Variants in NLGN1 observed in about 807,000 individuals in gnomAD.
NLGN1 encodes the protein neuroligin-1.
Under a neutral mutation model 65.5 loss-of-function variants are expected in NLGN1, and 12 were observed. The observed-to-expected ratio is 0.18, with a 90% CI of 0.12 to 0.30. The LOEUF is 0.30. Among genes scored for constraint, NLGN1 ranks in the 10% least tolerant of loss-of-function variants. The pLI is 1.00. For synonymous variants in NLGN1, 350 were observed against 359.5 expected, an observed-to-expected ratio of 0.97 and a Z score of 0.30; for missense variants, 750 against 1,007.1, an observed-to-expected ratio of 0.74 and a Z score of 3.46.
intron 4 of NLGN1, among the ~76,000 whole-genome samples, chr3:174,251,750 T>C (rs974371960): frequency 2.0e-5 from 3 of 152,244 alleles, no homozygotes; most frequent in Non-Finnish European, 4.4e-5. Context: ...ATCTACATTA[T>C]GTATTTATAC....
At chr3:174,047,696 C>T (rs1733928627) in intron 4 of NLGN1, among the ~76,000 whole-genome samples, 1 of 151,646 alleles carries the variant, frequency 6.6e-6, no homozygotes, top group African/African-American at 2.4e-5. Context: ...CCAGAAAAGA[C>T]ATGATGTGTT....
rs188802378 is a variant in NLGN1 at position 173,408,986 on chromosome 3, G to A, written c.-390+10499G>A. ...TCAAAATACGCTGGGAATAGTCCTG[G>A]TATGCTATTTTGAATGTCATTTCTT... On this transcript the variant is annotated intron_variant, in intron 1 of 6. Transcript: ENST00000457714. Among the ~76,000 whole-genome samples the A allele has an allele frequency of 8.8e-4, 133 of 151,914 alleles. 1 individual carries two copies. Among genetic ancestry groups the A allele is most frequent in the African/African-American group, 3.2e-3 (131 of 41,390 alleles).
At chr3:173,871,265 T>C (rs1308720557) in intron 4 of NLGN1, among the ~76,000 whole-genome samples, 5 of 152,196 alleles carry the variant, frequency 3.3e-5, no homozygotes, top group Non-Finnish European at 7.3e-5. Context: ...TTCTTTCTTA[T>C]ATACTTTATA....
intron 4 of NLGN1, among the ~76,000 whole-genome samples, chr3:173,958,521 A>G (rs1257618622): frequency 6.6e-6 from 1 of 152,038 alleles, no homozygotes; most frequent in South Asian, 2.1e-4. Context: ...CTCCACAGTG[A>G]GGTCATCCCA....
At chr3:173,745,890 T>G (rs1289580189) in intron 3 of NLGN1, among the ~76,000 whole-genome samples, 1 of 152,100 alleles carries the variant, frequency 6.6e-6, no homozygotes, top group Non-Finnish European at 1.5e-5. Flanking sequence ...AAACATTCAC[T>G]TCACAGATAG....
chr3:173,625,294 ATGTG>A (rs1187097429), intron 3 of NLGN1, among the ~76,000 whole-genome samples: 1 of 151,974 alleles, frequency 6.6e-6, no homozygotes, highest in Non-Finnish European at 1.5e-5. Context: ...GTGTTTTGAG[ATGTG>A]TGTGTAAGTA....
chr3:174,019,244 C>A (rs1727238814), intron 4 of NLGN1, among the ~76,000 whole-genome samples: 1 of 152,070 alleles, frequency 6.6e-6, no homozygotes. Context: ...AACTTAATCC[C>A]TAAATTCATA....
chr3:174,066,321 T>A (rs1319207124), intron 4 of NLGN1, among the ~76,000 whole-genome samples: 2 of 152,066 alleles, frequency 1.3e-5, no homozygotes, highest in African/African-American at 4.8e-5. Flanking sequence ...TTTTTTAAGA[T>A]TCTAAAATTA....
intron 2 of NLGN1, among the ~76,000 whole-genome samples, chr3:173,545,812 GA>G (rs1362135047): frequency 6.6e-6 from 1 of 152,090 alleles, no homozygotes; most frequent in African/African-American, 2.4e-5. Flanking sequence ...GATGAAGCTG[GA>G]AACCACCATT....
chr3:173,910,640 G>A lies in NLGN1; in HGVS notation c.646+102808G>A, dbSNP rs927454633. The A allele has an allele frequency of 9.2e-5, 14 of 152,030 alleles. No individual in the cohort carries two copies. The East Asian group carries it at 9.6e-4, about 10-fold the overall frequency. The allele number at this position is 152,030 out of a possible 1,614,324, so 9.4% of individuals were successfully genotyped here. A position where few individuals can be genotyped will look rare whatever the true frequency, so the allele number is the denominator to read the frequency against. On this transcript the variant is annotated intron_variant, in intron 4 of 6. Coordinates refer to ENST00000457714, the Ensembl canonical transcript of NLGN1. ...AACTATATTCTACTAAAGTTCTTAC[G>A]ATTCTAAAATCACTAAATTTTAATA...
intron 4 of NLGN1, among the ~76,000 whole-genome samples, chr3:173,977,658 T>A (rs1717813200): frequency 6.6e-6 from 1 of 151,570 alleles, no homozygotes; most frequent in South Asian, 2.1e-4. Flanking sequence ...GAAAAAAAAA[T>A]GGACAAAGCA....
At chr3:174,078,565 G>A (rs1012771629) in intron 4 of NLGN1, among the ~76,000 whole-genome samples, 1 of 152,090 alleles carries the variant, frequency 6.6e-6, no homozygotes, top group Non-Finnish European at 1.5e-5. Flanking sequence ...TGACCTAATG[G>A]AAGGGTTTTA....
At chr3:173,675,305 T>G (rs1347861341) in intron 3 of NLGN1, among the ~76,000 whole-genome samples, 1 of 152,182 alleles carries the variant, frequency 6.6e-6, no homozygotes, top group East Asian at 1.9e-4. Context: ...GTCTTCAGAG[T>G]AGTTTTCAAA....
chr3:174,257,077 C>T (rs1408813772), intron 4 of NLGN1, among the ~76,000 whole-genome samples: 1 of 151,890 alleles, frequency 6.6e-6, no homozygotes, highest in Non-Finnish European at 1.5e-5. Context: ...AAAACTACCT[C>T]ATTAAAAAGT....
chr3:173,675,062 A>G (rs1185998440), intron 3 of NLGN1, among the ~76,000 whole-genome samples: 1 of 151,972 alleles, frequency 6.6e-6, no homozygotes, highest in African/African-American at 2.4e-5. Context: ...TGACAGCTGT[A>G]TGCTTTTAAT....
At chr3:174,199,793 G>A (rs972884421) in intron 4 of NLGN1, among the ~76,000 whole-genome samples, 1 of 152,176 alleles carries the variant, frequency 6.6e-6, no homozygotes, top group Non-Finnish European at 1.5e-5. Flanking sequence ...AGTTCTACAA[G>A]ATTTTCAAAC....
chr3:173,629,937 T>C (rs1041902036), intron 3 of NLGN1, among the ~76,000 whole-genome samples: 1 of 152,126 alleles, frequency 6.6e-6, no homozygotes, highest in Non-Finnish European at 1.5e-5. Flanking sequence ...AAAGATAGTG[T>C]ATGCCAAAAA....
At chr3:174,132,140 C>T (rs539844626) in intron 4 of NLGN1, among the ~76,000 whole-genome samples, 13 of 152,180 alleles carry the variant, frequency 8.5e-5, no homozygotes, top group Admixed American at 2.0e-4. Context: ...TACTAATCAA[C>T]CTTTATAAAA....
chr3:173,963,616 T>A (rs1397461269), intron 4 of NLGN1, among the ~76,000 whole-genome samples: 2 of 152,138 alleles, frequency 1.3e-5, no homozygotes, highest in African/African-American at 2.4e-5. Flanking sequence ...GGATATGATT[T>A]GTGGAATTTG....
Sources: gnomAD v4.1 joint callset for allele counts (sites outside exome capture counted in the v4.1 genomes callset) on GRCh38, gnomAD v4.1.1 for gene constraint, MANE v1.5 for transcripts, NCBI Gene and HGNC (gene_info 2026-07-23, HGNC 2026-07-21) for gene names.